The following CEP162 variants were observed in gnomAD, a reference collection of about 807,000 sequenced individuals.
The protein encoded by CEP162 is centrosomal protein 162, also known as centrosomal protein of 162 kDa.
Under a neutral mutation model 169.2 loss-of-function variants are expected in CEP162, and 141 were observed. That is an observed-to-expected ratio of 0.83 (90% CI 0.73 to 0.96). The LOEUF (loss-of-function observed/expected upper bound fraction) is 0.96, where lower values mean the gene tolerates loss of function less well. CEP162 is among the 40% of genes least tolerant of loss of function. The pLI, the probability that CEP162 is intolerant of heterozygous loss-of-function variation, is 0.00. For missense variants in CEP162, 1,600 were observed against 1,587.2 expected (o/e 1.01, Z -0.14); for synonymous variants, 540 against 526.4 (o/e 1.03, Z -0.35).
At chr6:84,216,210 G>A (rs2099551490) in intron 3 of CEP162, among the ~76,000 whole-genome samples, 1 of 152,110 alleles carries the variant, frequency 6.6e-6, no homozygotes, top group Non-Finnish European at 1.5e-5. Context: ...AGTATACCAT[G>A]ACACTTCAAA....
At position 84,146,693 on chromosome 6, in the gene CEP162, C is replaced by G. The variant is rs1305510423; in HGVS notation, c.3864G>C (p.Gln1288His). The G allele has an allele frequency of 1.9e-6, 3 of 1,539,982 alleles. No individual in the cohort carries two copies. In the African/African-American group the frequency reaches 4.1e-5, roughly 21 times the overall value. ...VVSEVREEIL[Q>H]KEITKLLEEL... ...TATTTTGGCCATTTCTTACCTCTTT[C>G]TGTAGAATTTCTTCTCGAACTTCAG... The change falls in exon 25 of 27, where the codon CAG becomes CAC. Residue 1288 changes from glutamine to histidine, a missense_variant. Physicochemically the swap from Gln to His is conservative, Grantham distance 24. Transcript: ENST00000403245.
chr6:84,146,588 T>C, intron 25 of CEP162, 99 bp downstream of exon 25: 1 of 558,006 alleles, frequency 1.8e-6, no homozygotes, highest in Non-Finnish European at 3.2e-6. Flanking sequence ...TTTCAGGTTA[T>C]ATCTATTTGT....
Position 84,205,523 on chromosome 6 carries a change from T to G in CEP162, c.572-1427A>C, listed in dbSNP as rs190772431. Among the ~76,000 whole-genome samples, 522 of 152,324 alleles carry G rather than the reference T, an allele frequency of 3.4e-3. 2 individuals carry two copies. The highest frequency in any genetic ancestry group is 0.012 in the African/African-American group (482 of 41,582). On this transcript the variant is annotated intron_variant, in intron 6 of 26. Transcript: ENST00000403245. ...GGCCTTTGACAAAATTCAACAGCCC[T>G]TCATGCTAAAAACTCTTAATAAACT...
intron 11 of CEP162, among the ~76,000 whole-genome samples, chr6:84,189,382 C>T (rs536063677): frequency 3.9e-5 from 6 of 152,174 alleles, no homozygotes; most frequent in South Asian, 2.1e-4. Context: ...GAGGCACGAG[C>T]GGGAACCGGG....
rs377115419 is a variant in CEP162 at position 84,225,173 on chromosome 6, C to T, written c.57+1164G>A. Among the ~76,000 whole-genome samples, 5 of 152,150 alleles carry T rather than the reference C, an allele frequency of 3.3e-5. No homozygotes were observed. The East Asian group carries it at 7.7e-4, about 24-fold the overall frequency. On this transcript the variant is annotated intron_variant, in intron 2 of 26. Transcript: ENST00000403245. ...TATATAAATAGAGTTTTATGCATCG[C>T]TTAATTATGGGGATATGTTCTGAGA...
intron 3 of CEP162, chr6:84,219,286 A>C (rs1275508649): frequency 1.8e-6 from 1 of 545,698 alleles, no homozygotes; most frequent in Non-Finnish European, 3.2e-6. Context: ...TCCCGTGGGC[A>C]GGGAAACCTC....
chr6:84,142,926 T>G (rs1019284468), intron 25 of CEP162, among the ~76,000 whole-genome samples: 1 of 152,102 alleles, frequency 6.6e-6, no homozygotes, highest in African/African-American at 2.4e-5. Context: ...GATGACTAGA[T>G]GTTTAATGGC....
chr6:84,205,519 GC>G (rs2099546534), intron 6 of CEP162, among the ~76,000 whole-genome samples: 1 of 152,092 alleles, frequency 6.6e-6, no homozygotes, highest in Non-Finnish European at 1.5e-5. Flanking sequence ...AAATTCAACA[GC>G]CCTTCATGCT....
intron 18 of CEP162, 85 bp from the exon 19 acceptor site, chr6:84,163,355 C>A: frequency 1.0e-6 from 1 of 968,032 alleles, no homozygotes; most frequent in Admixed American, 2.6e-5. Flanking sequence ...CCATCATGAA[C>A]ACTACGGCAA....
In CEP162 at chr6:84,213,096, C is replaced by T. The variant is rs896860528; in HGVS notation, c.504-72G>A. ...TTCTCATGCAACTCTTTCTGTATACCGTTTTAAAAAATCCCTAAAATTATA... is the reference window on the plus strand; with the variant it reads ...TTCTCATGCAACTCTTTCTGTATACTGTTTTAAAAAATCCCTAAAATTATA... On this transcript the variant is annotated intron_variant, in intron 5 of 26. Coordinates refer to ENST00000403245, the MANE Select transcript of CEP162 (RefSeq NM_014895.4). 58 of 911,932 alleles carry T rather than the reference C, an allele frequency of 6.4e-5. No homozygotes were observed. In the South Asian group the frequency reaches 8.7e-4, roughly 14 times the overall value. The allele number at this position is 911,932 out of a possible 1,614,324, so 56.5% of individuals were successfully genotyped here. A position where few individuals can be genotyped will look rare whatever the true frequency, so the allele number is the denominator to read the frequency against.
At chr6:84,207,540 G>A (rs1028874557) in intron 6 of CEP162, among the ~76,000 whole-genome samples, 1 of 141,662 alleles carries the variant, frequency 7.1e-6, no homozygotes, top group African/African-American at 2.6e-5. Flanking sequence ...ACACAGGGTG[G>A]GGAACATCAC....
At position 84,195,005 on chromosome 6, in the gene CEP162, T is replaced by C. The variant is rs1355887441; in HGVS notation, c.906A>G (p.Ser302=). The C allele has an allele frequency of 1.2e-6, 2 of 1,612,514 alleles. No individual in the cohort carries two copies. Among genetic ancestry groups the C allele is most frequent in the East Asian group, 2.2e-5 (1 of 44,872 alleles). ...LHQAYCHIAH[S]LGDEDKQKIE... Reference sequence around the variant, plus strand: ...TTTTTTGTTTGTCTTCATCTCCCAATGAATGGGCTATATGACAATAAGCTT... The same window carrying C: ...TTTTTTGTTTGTCTTCATCTCCCAACGAATGGGCTATATGACAATAAGCTT... Residue 302 remains serine (S), a synonymous_variant, in exon 10 of 27, where the codon TCA becomes TCG. Coordinates refer to ENST00000403245, the MANE Select transcript of CEP162 (RefSeq NM_014895.4).
chr6:84,199,989 G>A (rs1388758040), intron 9 of CEP162, among the ~76,000 whole-genome samples: 17 of 152,180 alleles, frequency 1.1e-4, no homozygotes, highest in African/African-American at 3.6e-4. Context: ...GGTGGCTCAC[G>A]CCTGCAATCC....
At chr6:84,141,628 T>A (rs2099516678) in intron 25 of CEP162, among the ~76,000 whole-genome samples, 2 of 152,324 alleles carry the variant, frequency 1.3e-5, no homozygotes, top group South Asian at 4.1e-4. Flanking sequence ...CTAACTTGCC[T>A]TCCTCTGAAA....
rs200405224 is a variant in CEP162, at chr6:84,174,694, T to C, written c.2025+33A>G. On this transcript the variant is annotated intron_variant, in intron 15 of 26. Transcript: ENST00000403245. The stretch of plus-strand genomic sequence containing the variant: ...TTCAGCTTTTTTTTTTTTTAATAAA[T>C]ATAAAAAAATACCAGAACAATGTAT... The C allele has an allele frequency of 2.2e-4, 219 of 978,026 alleles. 5 individuals are homozygous for C. In the East Asian group the frequency reaches 5.7e-3, roughly 26 times the overall value. The allele number at this position is 978,026 out of a possible 1,614,324, so 60.6% of individuals were successfully genotyped here.
Position 84,199,224 on chromosome 6 carries a change from A to C in CEP162, c.835+1565T>G, listed in dbSNP as rs145190681. ...ACAGCAGTAAAACTGAGGGACATGC[A>C]CTCAGCACATGCTTACATCATGGTA... On this transcript the variant is annotated intron_variant, in intron 9 of 26. Coordinates refer to ENST00000403245, the MANE Select transcript of CEP162 (RefSeq NM_014895.4). Among the ~76,000 whole-genome samples the C allele has an allele frequency of 2.7e-3, 416 of 152,302 alleles. 2 individuals are homozygous for C. The highest frequency in any genetic ancestry group is 4.5e-3 in the Non-Finnish European group (303 of 68,024).
In CEP162 at chr6:84,226,357, ACT is replaced by A. The variant is rs1183044639; in HGVS notation, c.35_36del (p.Glu12ValfsTer2). 1.2e-5 allele frequency: 18 copies of A among 1,564,876 alleles called. No individual in the cohort carries two copies. The highest frequency in any genetic ancestry group is 1.9e-5 in the Admixed American group (1 of 52,882). ...ANCSQEELDE[E>X]FEQFMKELSD... The stretch of plus-strand genomic sequence containing the variant: ...CTTACCTCTTTCATAAACTGTTCAA[ACT>A]CTTCATCTAGCTCTTCTTGGGAACA... On this transcript the variant is annotated frameshift_variant, in exon 2 of 27. Transcript: ENST00000403245. LOFTEE classifies it high-confidence loss of function.
At chr6:84,218,944 A>G (rs2099552593) in intron 3 of CEP162, among the ~76,000 whole-genome samples, 1 of 152,220 alleles carries the variant, frequency 6.6e-6, no homozygotes, top group Admixed American at 6.5e-5. Flanking sequence ...TTAATATAAC[A>G]GAAACGAAGA....
chr6:84,135,675 C>T (rs371873258), intron 25 of CEP162, among the ~76,000 whole-genome samples: 63 of 152,210 alleles, frequency 4.1e-4, no homozygotes, highest in South Asian at 1.9e-3. Context: ...CCAGCCTGGC[C>T]GACATGGTGA....
Sources: gnomAD v4.1 joint callset for allele counts (sites outside exome capture counted in the v4.1 genomes callset) on GRCh38, gnomAD v4.1.1 for gene constraint, MANE v1.5 for transcripts, NCBI Gene and HGNC (gene_info 2026-07-23, HGNC 2026-07-21) for gene names.